The following ALPK2 variants were observed in gnomAD, a reference collection of about 807,000 sequenced individuals.
ALPK2 encodes alpha-protein kinase 2.
Under a neutral mutation model 163.1 loss-of-function variants are expected in ALPK2, and 127 were observed. The observed-to-expected ratio is 0.78, with a 90% confidence interval of 0.67 to 0.90. The LOEUF is 0.90. Among genes scored for constraint, ALPK2 ranks in the 40% least tolerant of loss-of-function variants. ALPK2 has a pLI of 0.00. For synonymous variants in ALPK2, 953 were observed against 959.1 expected (o/e 0.99, Z 0.12); for missense variants, 2,360 against 2,589.6 (o/e 0.91, Z 1.92).
chr18:58,498,228 C>A (rs574628592), intron 11 of ALPK2, 131 bp from the exon 12 acceptor site: 96 of 804,992 alleles, frequency 1.2e-4, no homozygotes, highest in Non-Finnish European at 1.9e-4. Context: ...CACTCGAGGC[C>A]TCTTTCATAT....
At chr18:58,502,359 A>G (rs1257232772) in intron 11 of ALPK2, among the ~76,000 whole-genome samples, 1 of 152,108 alleles carries the variant, frequency 6.6e-6, no homozygotes, top group Non-Finnish European at 1.5e-5. Flanking sequence ...TGTCTCAAAC[A>G]AATAAAAAAA....
intron 5 of ALPK2, among the ~76,000 whole-genome samples, chr18:58,531,852 C>T (rs563823891): frequency 1.7e-4 from 22 of 132,836 alleles, no homozygotes; most frequent in African/African-American, 6.2e-4. Flanking sequence ...GCTGGAGGAT[C>T]GCTTGAACCA....
intron 12 of ALPK2, among the ~76,000 whole-genome samples, chr18:58,483,023 C>T (rs537850017): frequency 3.9e-5 from 6 of 152,252 alleles, no homozygotes; most frequent in African/African-American, 1.4e-4. Context: ...CATGTACACA[C>T]TGAATCCAGT....
chr18:58,510,495 T>C (rs956464738), intron 10 of ALPK2, among the ~76,000 whole-genome samples: 2 of 152,246 alleles, frequency 1.3e-5, no homozygotes, highest in Admixed American at 1.3e-4. Context: ...ATTTTCATGA[T>C]ATTGATTCTT....
At chr18:58,553,197 G>C (rs1418973775) in intron 4 of ALPK2, among the ~76,000 whole-genome samples, 5 of 152,228 alleles carry the variant, frequency 3.3e-5, no homozygotes, top group Non-Finnish European at 7.3e-5. Context: ...TTCAGACTGT[G>C]CCTCCTCAAT....
At chr18:58,531,419 G>A (rs571454550) in intron 5 of ALPK2, among the ~76,000 whole-genome samples, 2 of 152,110 alleles carry the variant, frequency 1.3e-5, no homozygotes, top group East Asian at 3.9e-4. Flanking sequence ...CCGGAAAGCA[G>A]TGACGAGGAC....
chr18:58,537,838 A>G lies in ALPK2; in HGVS notation c.2349T>C (p.Asp783=). The G allele has an allele frequency of 3.1e-6, 5 of 1,614,176 alleles. No individual in the cohort carries two copies. The highest frequency in any genetic ancestry group is 4.2e-6 in the Non-Finnish European group (5 of 1,180,030). Residue 783 remains aspartate (D), a synonymous_variant, in exon 5 of 13, where the codon GAT becomes GAC. Transcript: ENST00000361673. ...AVSVASPEPT[D]TALTLENVCD... ...ACACATTTTCCAGGGTGAGGGCAGT[A>G]TCTGTGGGTTCAGGGGAAGCAACAG...
chr18:58,568,979 C>T (rs7233483), intron 4 of ALPK2, among the ~76,000 whole-genome samples: 22,649 of 152,002 alleles, frequency 0.15, 1,920 homozygotes, highest in African/African-American at 0.22. Context: ...TTTGGGAGGC[C>T]AAGGCAAGAG....
intron 10 of ALPK2, among the ~76,000 whole-genome samples, chr18:58,513,215 GTGT>G (rs907290541): frequency 3.5e-5 from 5 of 143,972 alleles, no homozygotes; most frequent in East Asian, 2.0e-4. Flanking sequence ...TGTATGGTGA[GTGT>G]TGTTTGTGTG....
chr18:58,614,768 T>A lies in ALPK2; in HGVS notation c.-20-2951A>T, dbSNP rs184745359. Among the ~76,000 whole-genome samples, 5 of 152,188 alleles carry A rather than the reference T, an allele frequency of 3.3e-5. No individual in the cohort carries two copies. The East Asian group carries it at 9.7e-4, about 29-fold the overall frequency. Reference sequence around the variant, plus strand: ...ATATAATTACCATACCATACACAATTTACTCATTTAAGTTGTACAATTCAA... The same window carrying A: ...ATATAATTACCATACCATACACAATATACTCATTTAAGTTGTACAATTCAA... On this transcript the variant is annotated intron_variant, in intron 1 of 12. Transcript: ENST00000361673.
At chr18:58,495,153 C>A (rs2051395220) in intron 12 of ALPK2, among the ~76,000 whole-genome samples, 1 of 152,156 alleles carries the variant, frequency 6.6e-6, no homozygotes, top group African/African-American at 2.4e-5. Context: ...CTCTCAACCA[C>A]CTCTTATGCT....
chr18:58,521,627 C>CTTTTTTTGTTTTTT (rs2051553201), intron 8 of ALPK2, among the ~76,000 whole-genome samples: 1 of 55,376 alleles, frequency 1.8e-5, no homozygotes, highest in Non-Finnish European at 3.5e-5. Flanking sequence ...TTCTCTCTCT[C>CTTTTTTTGTTTTTT]TTTTTTTTTT....
At chr18:58,521,627 CT>C (rs398033036) in intron 8 of ALPK2, among the ~76,000 whole-genome samples, 12,766 of 55,218 alleles carry the variant, frequency 0.23, 1,061 homozygotes, top group East Asian at 0.52. Flanking sequence ...TTCTCTCTCT[CT>C]TTTTTTTTTT....
intron 4 of ALPK2, among the ~76,000 whole-genome samples, chr18:58,550,510 C>CCCCATCCCCATCTCTATCACCTACAAT (rs1444663857): frequency 2.0e-5 from 3 of 151,356 alleles, no homozygotes; most frequent in Non-Finnish European, 3.0e-5. Flanking sequence ...TCATATACAA[C>CCCCATCCCCATCTCTATCACCTACAAT]CCCATCCCCA....
chr18:58,516,466 G>C (rs1180981483), intron 9 of ALPK2, among the ~76,000 whole-genome samples: 2 of 152,024 alleles, frequency 1.3e-5, no homozygotes, highest in Non-Finnish European at 2.9e-5. Context: ...ACCCTTCTGG[G>C]TATACCCCAC....
At chr18:58,503,539 T>A (rs8090520) in intron 11 of ALPK2, among the ~76,000 whole-genome samples, 51,504 of 151,202 alleles carry the variant, frequency 0.34, 9,536 homozygotes, top group East Asian at 0.61. Context: ...AAAAAAAAAA[T>A]TTTTTTTTAA....
intron 4 of ALPK2, among the ~76,000 whole-genome samples, chr18:58,566,138 AT>A (rs1388151862): frequency 2.6e-5 from 4 of 152,110 alleles, no homozygotes; most frequent in Non-Finnish European, 4.4e-5. Flanking sequence ...ATTTTGAAAA[AT>A]TTTTTCAGTA....
intron 3 of ALPK2, among the ~76,000 whole-genome samples, chr18:58,590,356 G>A (rs962422649): frequency 6.6e-6 from 1 of 151,778 alleles, no homozygotes; most frequent in Admixed American, 6.6e-5. Flanking sequence ...CTGGAAACAC[G>A]AGGTCTGTAG....
intron 10 of ALPK2, among the ~76,000 whole-genome samples, chr18:58,507,229 G>C (rs2051466319): frequency 6.6e-6 from 1 of 152,178 alleles, no homozygotes; most frequent in African/African-American, 2.4e-5. Flanking sequence ...TTCTGGGAGG[G>C]ACCAAGTGAT....
Sources: allele counts gnomAD v4.1 joint callset (sites outside exome capture counted in the v4.1 genomes callset), GRCh38; gene constraint gnomAD v4.1.1; transcripts MANE v1.5; gene names NCBI Gene and HGNC (gene_info 2026-07-23, HGNC 2026-07-21).